Variants in ENOX2 observed in about 807,000 individuals in gnomAD.
ENOX2 encodes the protein APK1 antigen.
A neutral mutation model predicts 45.0 loss-of-function variants in ENOX2; 36 were observed. The ratio of observed to expected loss-of-function variants is 0.80; its 90% CI spans 0.61 to 1.06. ENOX2 has a LOEUF of 1.06. Ranked by LOEUF, ENOX2 falls within the 50% of genes least tolerant of loss-of-function variation. ENOX2 has a pLI of 0.00. For synonymous variants in ENOX2, 174 were observed against 152.3 expected, an observed-to-expected ratio of 1.14 and a Z score of -1.05; for missense variants, 423 against 462.5, an observed-to-expected ratio of 0.91 and a Z score of 0.78.
chrX:130,869,840 T>C (rs2078544339), intron 2 of ENOX2, among the ~76,000 whole-genome samples: 1 of 112,071 alleles, frequency 8.9e-6, no homozygotes, highest in Non-Finnish European at 1.9e-5. Flanking sequence ...CCTTCCCACA[T>C]TTAGAGCACA....
At chrX:130,652,652 T>C (rs1221720102) in intron 10 of ENOX2, among the ~76,000 whole-genome samples, 1 of 112,313 alleles carries the variant, frequency 8.9e-6, no homozygotes, top group Non-Finnish European at 1.9e-5. Flanking sequence ...TCTGGCTTAT[T>C]TGGAAACAGG....
chrX:130,782,178 T>G (rs2076907804), intron 3 of ENOX2, among the ~76,000 whole-genome samples: 1 of 111,774 alleles, frequency 8.9e-6, no homozygotes, highest in Non-Finnish European at 1.9e-5. Flanking sequence ...GTTGATGATT[T>G]AAAACATGAA....
chrX:130,852,340 G>A (rs2078227443), intron 2 of ENOX2, among the ~76,000 whole-genome samples: 1 of 111,679 alleles, frequency 9.0e-6, no homozygotes, highest in South Asian at 3.7e-4. Flanking sequence ...GACTTTTCTA[G>A]GCAATGGGAA....
At chrX:130,836,362 G>A (rs772287404) in intron 2 of ENOX2, among the ~76,000 whole-genome samples, 3 of 110,946 alleles carry the variant, frequency 2.7e-5, no homozygotes, top group Non-Finnish European at 3.8e-5. Context: ...AAAATGTCAC[G>A]TAACCTTAGC....
intron 2 of ENOX2, among the ~76,000 whole-genome samples, chrX:130,787,722 T>C (rs746423875): frequency 9.8e-5 from 11 of 112,136 alleles, no homozygotes; most frequent in Non-Finnish European, 2.1e-4. Flanking sequence ...GTACAGATTT[T>C]TGGCACCAAA....
chrX:130,626,490 T>C (rs1474800222), intron 14 of ENOX2, among the ~76,000 whole-genome samples: 1 of 112,408 alleles, frequency 8.9e-6, no homozygotes, highest in East Asian at 2.8e-4. Flanking sequence ...TTTACTAGAT[T>C]TCTACACTGC....
At chrX:130,758,582 G>T (rs1172415318) in intron 3 of ENOX2, among the ~76,000 whole-genome samples, 1 of 112,487 alleles carries the variant, frequency 8.9e-6, no homozygotes, top group African/African-American at 3.2e-5. Flanking sequence ...AAACATTCAT[G>T]TATGAAGTCT....
chrX:130,676,880 C>T (rs148209700), intron 6 of ENOX2, among the ~76,000 whole-genome samples: 5 of 111,571 alleles, frequency 4.5e-5, no homozygotes, highest in East Asian at 2.8e-4. Flanking sequence ...ATTAATCTTG[C>T]GGAAATAATT....
chrX:130,775,484 T>C (rs890328445), intron 3 of ENOX2, among the ~76,000 whole-genome samples: 63 of 111,963 alleles, frequency 5.6e-4, no homozygotes, highest in African/African-American at 1.9e-3. Flanking sequence ...AACTCTTTTA[T>C]GAGTGAGTAG....
intron 2 of ENOX2, among the ~76,000 whole-genome samples, chrX:130,822,340 G>C (rs1158703254): frequency 8.9e-6 from 1 of 112,044 alleles, no homozygotes; most frequent in South Asian, 3.7e-4. Context: ...TTCAAATTTT[G>C]AATTTTGATA....
intron 2 of ENOX2, among the ~76,000 whole-genome samples, chrX:130,870,205 C>T (rs183609432): frequency 9.0e-6 from 1 of 111,229 alleles, no homozygotes; most frequent in African/African-American, 3.3e-5. Context: ...TAAGGTGATG[C>T]CTGTTTGGAT....
intron 3 of ENOX2, among the ~76,000 whole-genome samples, chrX:130,771,775 T>C (rs1195682293): frequency 1.8e-5 from 2 of 112,192 alleles, no homozygotes; most frequent in Non-Finnish European, 3.8e-5. Context: ...TGGGGCATAA[T>C]GCAAAGTGCA....
Position 130,670,093 on chromosome X carries a change from T to C in ENOX2, c.566A>G (p.Gln189Arg). 2 of 1,210,206 alleles carry C rather than the reference T, an allele frequency of 1.7e-6. No individual in the cohort carries two copies. The highest frequency in any genetic ancestry group is 2.2e-6 in the Non-Finnish European group (2 of 894,097). Reference protein sequence around the residue: ...RDDLYEWECKQRMLAREERHR... With the variant: ...RDDLYEWECKRRMLAREERHR... ...GCGCTCCTCTCTGGCTAGCATACGC[T>C]GTTTACACTCCCACTCATACAGGTC... is the stretch of plus-strand genomic sequence containing the variant. The change falls in exon 7 of 15, where the codon CAG (glutamine) becomes CGG (arginine). Residue 189 changes from glutamine to arginine, a missense_variant. By Grantham distance (43) the Gln-to-Arg change is conservative (BLOSUM62 1). Around this residue, in one of 5 missense-constraint regions of ENOX2, gnomAD observed 261 missense variants for 306.8 expected, o/e 0.85. Coordinates refer to ENST00000394363, the MANE Select transcript of ENOX2 (RefSeq NM_006375.4).
chrX:130,668,057 TTG>T (rs1171654885), intron 7 of ENOX2, among the ~76,000 whole-genome samples: 11 of 102,982 alleles, frequency 1.1e-4, no homozygotes, highest in Non-Finnish European at 2.2e-4. Context: ...CCCTCTCTGA[TTG>T]TGTGTGTGTG....
intron 10 of ENOX2, among the ~76,000 whole-genome samples, chrX:130,644,711 T>C (rs1457130823): frequency 2.7e-5 from 3 of 111,745 alleles, no homozygotes; most frequent in Non-Finnish European, 5.7e-5. Flanking sequence ...CTGGAGATAG[T>C]AAAAAGATTA....
chrX:130,844,477 T>G (rs1424294381), intron 2 of ENOX2, among the ~76,000 whole-genome samples: 7 of 112,153 alleles, frequency 6.2e-5, no homozygotes, highest in Non-Finnish European at 1.1e-4. Context: ...CCCATTTCTA[T>G]CCTTCGTAAA....
chrX:130,842,977 TC>T (rs1365729888), intron 2 of ENOX2, among the ~76,000 whole-genome samples: 1 of 111,411 alleles, frequency 9.0e-6, no homozygotes, highest in Non-Finnish European at 1.9e-5. Context: ...TCTATAGTTT[TC>T]AGATTTCTAA....
At chrX:130,819,361 A>C (rs776216316) in intron 2 of ENOX2, among the ~76,000 whole-genome samples, 1 of 111,831 alleles carries the variant, frequency 8.9e-6, no homozygotes, top group Non-Finnish European at 1.9e-5. Context: ...TTGACCCGGC[A>C]ATCTCATTAC....
chrX:130,667,686 C>T lies in ENOX2; in HGVS notation c.751G>A (p.Glu251Lys). The T allele has an allele frequency of 8.3e-7, 1 of 1,211,019 alleles. No homozygotes were observed. Among genetic ancestry groups the T allele is most frequent in the Non-Finnish European group, 1.1e-6 (1 of 894,728 alleles). ...TTATTGGCGCTACGACGGTTGACCTCTCCTCGCTCTATCCAGGTAAGCAAG... is the reference window on the plus strand; with the variant it reads ...TTATTGGCGCTACGACGGTTGACCTTTCCTCGCTCTATCCAGGTAAGCAAG... ...QTLLTWIERG[E>K]VNRRSANNFY... Residue 251 changes from glutamate to lysine, a missense_variant, in exon 8 of 15, where the codon GAG becomes AAG. Physicochemically the swap from Glu to Lys is moderately conservative, Grantham distance 56. This residue lies in a region of ENOX2 where 261 missense variants were observed against 306.8 expected (regional missense o/e 0.85). Coordinates refer to ENST00000394363, the MANE Select transcript of ENOX2 (RefSeq NM_006375.4).
Sources: allele counts gnomAD v4.1 joint callset (sites outside exome capture counted in the v4.1 genomes callset), GRCh38; gene constraint gnomAD v4.1.1; regional missense constraint gnomAD v4.1.1; transcripts MANE v1.5; gene names NCBI Gene and HGNC (gene_info 2026-07-23, HGNC 2026-07-21).